VPS13D: variants seen among roughly 807,000 people sequenced by gnomAD.
VPS13D encodes vacuolar protein sorting 13 homolog D.
Under a neutral mutation model 461.9 loss-of-function variants are expected in VPS13D, and 187 were observed. The ratio of observed to expected loss-of-function variants is 0.40; its 90% CI spans 0.36 to 0.46. The LOEUF (loss-of-function observed/expected upper bound fraction) is 0.46, where lower values mean the gene tolerates loss of function less well. VPS13D is among the 20% of genes least tolerant of loss of function. The pLI, the probability that VPS13D is intolerant of heterozygous loss-of-function variation, is 0.60. For synonymous variants in VPS13D, 1,951 were observed against 1,986.3 expected (o/e 0.98, Z 0.47); for missense variants, 4,711 against 5,364.9 (o/e 0.88, Z 3.81).
At chr1:12,429,382 G>A (rs570257598) in intron 65 of VPS13D, among the ~76,000 whole-genome samples, 3 of 151,428 alleles carry the variant, frequency 2.0e-5, no homozygotes, top group African/African-American at 4.8e-5. Flanking sequence ...AACCTCTGCC[G>A]CCTAGGTTCA....
chr1:12,272,913 C>A (rs1641495256), intron 17 of VPS13D, 90 bp from the exon 18 acceptor site: 3 of 1,530,704 alleles, frequency 2.0e-6, no homozygotes, highest in Admixed American at 2.1e-5. Flanking sequence ...ACTCCATAAT[C>A]CTAGCTGCAG....
intron 13 of VPS13D, among the ~76,000 whole-genome samples, chr1:12,265,604 G>A (rs1456506499): frequency 2.6e-5 from 4 of 152,210 alleles, no homozygotes; most frequent in Non-Finnish European, 5.9e-5. Context: ...CAAAATATCA[G>A]CATTAACAGG....
chr1:12,461,070 G>A (rs1645406501), intron 67 of VPS13D, among the ~76,000 whole-genome samples: 1 of 152,186 alleles, frequency 6.6e-6, no homozygotes, highest in Admixed American at 6.5e-5. Flanking sequence ...TAACGTAGCT[G>A]TTTGCTTGAA....
chr1:12,357,018 A>G (rs914984840), intron 49 of VPS13D, among the ~76,000 whole-genome samples: 13 of 152,208 alleles, frequency 8.5e-5, no homozygotes, highest in African/African-American at 2.9e-4. Flanking sequence ...CACTCATTGC[A>G]TGTTTAAAAG....
chr1:12,337,554 C>A (rs1643478451), intron 39 of VPS13D: 1 of 152,184 alleles, frequency 6.6e-6, no homozygotes, highest in Non-Finnish European at 1.5e-5. Flanking sequence ...AAAATACCAG[C>A]CTCCTTTTGA....
chr1:12,300,219 T>TA (rs1158390401), intron 25 of VPS13D, among the ~76,000 whole-genome samples: 1 of 150,256 alleles, frequency 6.7e-6, no homozygotes, highest in East Asian at 1.9e-4. Flanking sequence ...TTTTTTTTTT[T>TA]TTTTTTGAAA....
chr1:12,403,432 C>T (rs1036448219), intron 62 of VPS13D, among the ~76,000 whole-genome samples: 6 of 152,232 alleles, frequency 3.9e-5, no homozygotes, highest in African/African-American at 1.2e-4. Context: ...GATTCAGTTA[C>T]ACTGCACTCC....
intron 29 of VPS13D, among the ~76,000 whole-genome samples, chr1:12,313,099 C>T (rs1380356664): frequency 6.6e-6 from 1 of 152,100 alleles, no homozygotes; most frequent in African/African-American, 2.4e-5. Flanking sequence ...AGCTTAAGGT[C>T]GTATGACTGG....
intron 49 of VPS13D, among the ~76,000 whole-genome samples, chr1:12,357,718 G>A (rs1022180116): frequency 6.6e-6 from 1 of 152,186 alleles, no homozygotes; most frequent in African/African-American, 2.4e-5. Flanking sequence ...TATTGTAATA[G>A]TATCAGGCCG....
chr1:12,276,003 A>G lies in VPS13D; in HGVS notation c.2415A>G (p.Gln805=), dbSNP rs1399762992. 5 of 1,613,932 alleles carry G rather than the reference A, an allele frequency of 3.1e-6. No individual in the cohort carries two copies. In the Admixed American group the frequency reaches 5.0e-5, roughly 16 times the overall value. Residue 805 remains glutamine (Q), a synonymous_variant, in exon 19 of 70, where the codon CAA becomes CAG. Coordinates refer to ENST00000620676, the MANE Select transcript of VPS13D (RefSeq NM_015378.4). The surrounding 1 kb of genome is among the most constrained non-coding windows in gnomAD (Gnocchi z 4.5). ...SGVEFSEEQL[Q]AHLMSTKMYE... Reference sequence around the variant, plus strand: ...TTGAGTTCAGTGAAGAACAGCTTCAAGCACATTTAATGAGCACAAAGATGT... The same window carrying G: ...TTGAGTTCAGTGAAGAACAGCTTCAGGCACATTTAATGAGCACAAAGATGT...
In VPS13D at chr1:12,373,829, A is replaced by G. The variant is rs750186147; in HGVS notation, c.10888A>G (p.Lys3630Glu). Residue 3630 changes from lysine (K) to glutamate (E), a missense_variant, in exon 55 of 70, where the codon AAG becomes GAG. Lys to Glu is a moderately conservative substitution (Grantham distance 56). Transcript: ENST00000620676. The stretch of plus-strand genomic sequence containing the variant: ...GGAGCTCGTTTTGGATGTCTCACCC[A>G]AGACACAAAGAGTCATTTTAAAAAA... Reference protein sequence around the residue: ...CAELVLDVSPKTQRVILKKKE... With the variant: ...CAELVLDVSPETQRVILKKKE... 25 of 1,607,586 alleles carry G rather than the reference A, an allele frequency of 1.6e-5. No homozygotes were observed. In the African/African-American group the frequency reaches 3.2e-4, roughly 21 times the overall value.
At chr1:12,308,741 T>A in intron 27 of VPS13D, 100 bp downstream of exon 27, 1 of 1,115,136 alleles carries the variant, frequency 9.0e-7, no homozygotes, top group Non-Finnish European at 1.3e-6. Context: ...CCTCCACCTC[T>A]GAGGTTCAAG....
chr1:12,441,351 CG>C (rs1557441027), intron 65 of VPS13D, among the ~76,000 whole-genome samples: 4 of 152,054 alleles, frequency 2.6e-5, no homozygotes. Context: ...CTGTCCGGGG[CG>C]GGGGACAGGG....
intron 62 of VPS13D, among the ~76,000 whole-genome samples, chr1:12,402,415 A>G (rs1644593451): frequency 6.6e-6 from 1 of 152,232 alleles, no homozygotes; most frequent in Non-Finnish European, 1.5e-5. Flanking sequence ...TTTGAAGCCT[A>G]AACTAAATAT....
chr1:12,353,261 C>T lies in VPS13D; in HGVS notation c.9432-713C>T, dbSNP rs565413307. The stretch of plus-strand genomic sequence containing the variant: ...TTAGAAGCCAGACATAGGCCGGGTG[C>T]GGTGGCTCACGCGTGTAATCCCAGC... On this transcript the variant is annotated intron_variant, in intron 46 of 69. Transcript: ENST00000620676. Among the ~76,000 whole-genome samples the T allele has an allele frequency of 2.0e-4, 31 of 152,006 alleles. 1 individual carries two copies. In the South Asian group the frequency reaches 2.7e-3, roughly 13 times the overall value.
intron 53 of VPS13D, among the ~76,000 whole-genome samples, chr1:12,368,972 T>A (rs1352410536): frequency 1.3e-5 from 2 of 152,164 alleles, no homozygotes; most frequent in Admixed American, 1.3e-4. Flanking sequence ...TTTTAATAAA[T>A]TTTTCAAGAA....
intron 49 of VPS13D, among the ~76,000 whole-genome samples, chr1:12,356,931 A>T (rs1470608874): frequency 6.6e-6 from 1 of 152,172 alleles, no homozygotes; most frequent in African/African-American, 2.4e-5. Flanking sequence ...CATTAATCCA[A>T]TCCAGGATTT....
In VPS13D at chr1:12,261,896, T is replaced by C; in HGVS notation, c.1415-5T>C. 6.2e-7 allele frequency: 1 copy of C among 1,604,834 alleles called. No homozygotes were observed. Among genetic ancestry groups the C allele is most frequent in the Admixed American group, 1.7e-5 (1 of 59,304 alleles). ...TCTTACAGTCTTTTCTCCCTTACCA[T>C]TTAGGCACTGAGGAGTTTTTTGACC... is the stretch of plus-strand genomic sequence containing the variant. On this transcript the variant is annotated splice_polypyrimidine_tract_variant and splice_region_variant and intron_variant, in intron 12 of 69. Coordinates refer to ENST00000620676, the MANE Select transcript of VPS13D (RefSeq NM_015378.4).
chr1:12,312,345 T>C (rs1333761969), intron 29 of VPS13D, among the ~76,000 whole-genome samples: 5 of 152,214 alleles, frequency 3.3e-5, no homozygotes, highest in Admixed American at 1.3e-4. Flanking sequence ...AACTAAAATA[T>C]GGTCCCACAC....
Sources: allele counts gnomAD v4.1 joint callset (sites outside exome capture counted in the v4.1 genomes callset), GRCh38; gene constraint gnomAD v4.1.1; non-coding constraint Gnocchi (gnomAD v3.1); transcripts MANE v1.5; gene names NCBI Gene and HGNC (gene_info 2026-07-23, HGNC 2026-07-21).